The following CD99L2 variants were observed in gnomAD, a reference collection of about 807,000 sequenced individuals.
The protein encoded by CD99L2 is CD99 molecule like 2.
CD99L2 carries 24 observed loss-of-function variants against 27.3 expected under a neutral mutation model. The observed-to-expected ratio is 0.88, with a 90% CI of 0.64 to 1.24. The LOEUF is 1.24. Ranked by LOEUF, CD99L2 falls within the 50% of genes most tolerant of loss-of-function variation. The probability of loss-of-function intolerance (pLI) is 0.00; values close to 1 mark genes in which losing one functional copy is unlikely to be tolerated. For missense variants in CD99L2, 255 were observed against 221.6 expected, an observed-to-expected ratio of 1.15 and a Z score of -0.96; for synonymous variants, 97 against 87.9, an observed-to-expected ratio of 1.10 and a Z score of -0.58.
chrX:150,785,087 C>T (rs1325000006), intron 7 of CD99L2, among the ~76,000 whole-genome samples: 2 of 110,533 alleles, frequency 1.8e-5, no homozygotes, highest in Non-Finnish European at 3.8e-5. Flanking sequence ...ATGTCATCTG[C>T]AGGCACTGGC....
At chrX:150,788,620 T>C (rs1569565901) in intron 7 of CD99L2, among the ~76,000 whole-genome samples, 1 of 111,776 alleles carries the variant, frequency 8.9e-6, no homozygotes, top group Non-Finnish European at 1.9e-5. Context: ...AAAAAGCAAC[T>C]ATAAACCTGG....
chrX:150,850,838 CT>C (rs1161634063), intron 1 of CD99L2, among the ~76,000 whole-genome samples: 26 of 105,566 alleles, frequency 2.5e-4, no homozygotes, highest in Non-Finnish European at 3.7e-4. Flanking sequence ...TTTTTTCTTT[CT>C]TTTTTTTTTG....
At chrX:150,896,413 T>C (rs72612735) in intron 1 of CD99L2, among the ~76,000 whole-genome samples, 4,998 of 111,984 alleles carry the variant, frequency 0.045, 109 homozygotes, top group East Asian at 0.099. Context: ...AATTAATTAA[T>C]TAATTAAAAA....
At chrX:150,893,074 G>A (rs1460671949) in intron 1 of CD99L2, among the ~76,000 whole-genome samples, 4 of 111,034 alleles carry the variant, frequency 3.6e-5, no homozygotes, top group African/African-American at 9.8e-5. Flanking sequence ...CAGTGAGATC[G>A]CACTATTGCA....
At position 150,816,026 on chromosome X, in the gene CD99L2, T is replaced by A; in HGVS notation, c.183A>T (p.Arg61Ser). ...TTTTNRPGTT[R>S]APAKPPGSGL... ...CATTACCTGGAGGTTTTGCCGGAGCTCTGGTGGTTCCTGGCCTATTGGTTG... is the reference window on the plus strand; with the variant it reads ...CATTACCTGGAGGTTTTGCCGGAGCACTGGTGGTTCCTGGCCTATTGGTTG... The change falls in exon 3 of 11, where the codon AGA becomes AGT. Residue 61 changes from arginine (R) to serine (S), a missense_variant. By Grantham distance (110) the Arg-to-Ser change is moderately radical (BLOSUM62 -1). Coordinates refer to ENST00000370377, the MANE Select transcript of CD99L2 (RefSeq NM_031462.4). 8.3e-7 allele frequency: 1 copy of A among 1,211,371 alleles called. No individual in the cohort carries two copies. Among genetic ancestry groups the A allele is most frequent in the Non-Finnish European group, 1.1e-6 (1 of 895,367 alleles).
chrX:150,820,180 G>C (rs1370319660), intron 2 of CD99L2, among the ~76,000 whole-genome samples: 2 of 109,029 alleles, frequency 1.8e-5, no homozygotes, highest in African/African-American at 3.3e-5. Context: ...CCATGACCAA[G>C]AGGGGTTTAT....
chrX:150,777,553 A>G (rs782337032), intron 7 of CD99L2, 71 bp from the exon 8 acceptor site: 404 of 1,083,647 alleles, frequency 3.7e-4, no homozygotes, highest in Non-Finnish European at 4.8e-4. Context: ...CCTCCGCGAG[A>G]CGGATGGCAG....
At chrX:150,873,164 G>A (rs1369896138) in intron 1 of CD99L2, among the ~76,000 whole-genome samples, 3 of 112,523 alleles carry the variant, frequency 2.7e-5, no homozygotes, top group Admixed American at 9.4e-5. Context: ...TGCAGCTGAC[G>A]ACCTCACAGA....
Position 150,780,672 on chromosome X carries a change from T to G in CD99L2, c.497-3190A>C, listed in dbSNP as rs1181295923. On this transcript the variant is annotated intron_variant, in intron 7 of 10. Coordinates refer to ENST00000370377, the MANE Select transcript of CD99L2 (RefSeq NM_031462.4). The stretch of plus-strand genomic sequence containing the variant: ...AGAAATATGCAGAAATGAGAAAATA[T>G]GCAGACCCCAGTAAAAAAAAAAAGC... 5.5e-5 allele frequency among the ~76,000 whole-genome samples: 6 copies of G among 110,070 alleles called. No individual in the cohort carries two copies. In the Admixed American group the frequency reaches 5.8e-4, roughly 11 times the overall value.
chrX:150,871,224 T>TA (rs2047151500), intron 1 of CD99L2, among the ~76,000 whole-genome samples: 1 of 111,845 alleles, frequency 8.9e-6, no homozygotes, highest in Non-Finnish European at 1.9e-5. Flanking sequence ...TCCTTTTTTT[T>TA]ACCTTCAACC....
At chrX:150,791,533 C>T (rs1442462834) in intron 7 of CD99L2, among the ~76,000 whole-genome samples, 1 of 111,632 alleles carries the variant, frequency 9.0e-6, no homozygotes, top group Admixed American at 9.5e-5. Flanking sequence ...AGAGGCCACA[C>T]AGGACAGAGG....
At chrX:150,847,200 CCCTTGTGCTAGTAATCCTGGTCCAGCTAT>C (rs1386226889) in intron 1 of CD99L2, among the ~76,000 whole-genome samples, 4 of 112,465 alleles carry the variant, frequency 3.6e-5, no homozygotes, top group Non-Finnish European at 7.5e-5. Flanking sequence ...ACTCTGTCTT[CCCTTGTGCTAGTAATCCTGGTCCAGCTAT>C]CCTTGTGCTA....
intron 10 of CD99L2, among the ~76,000 whole-genome samples, chrX:150,769,629 CTGT>C: frequency 9.1e-6 from 1 of 109,499 alleles, no homozygotes; most frequent in South Asian, 3.7e-4. Flanking sequence ...GGCTGCTGCA[CTGT>C]AGTTCCACTG....
At chrX:150,841,371 T>C (rs781931642) in intron 1 of CD99L2, among the ~76,000 whole-genome samples, 3 of 112,255 alleles carry the variant, frequency 2.7e-5, no homozygotes, top group South Asian at 7.4e-4. Context: ...CTGGTAACAG[T>C]AGTTATGTTT....
chrX:150,882,894 G>A (rs1370721522), intron 1 of CD99L2, among the ~76,000 whole-genome samples: 3 of 111,015 alleles, frequency 2.7e-5, no homozygotes, highest in Non-Finnish European at 5.7e-5. Context: ...ATGAGAGGCC[G>A]GGCATGGTGG....
chrX:150,821,912 A>C (rs1569565993), intron 2 of CD99L2, among the ~76,000 whole-genome samples: 1 of 112,083 alleles, frequency 8.9e-6, no homozygotes, highest in African/African-American at 3.2e-5. Flanking sequence ...ACCCTCATAC[A>C]TTACTGATGG....
At chrX:150,840,812 T>A (rs1431074308) in intron 1 of CD99L2, among the ~76,000 whole-genome samples, 1 of 110,882 alleles carries the variant, frequency 9.0e-6, no homozygotes, top group African/African-American at 3.3e-5. Flanking sequence ...GTGTCCTGAT[T>A]CTGATGGTTG....
chrX:150,883,555 G>A (rs2047364510), intron 1 of CD99L2, among the ~76,000 whole-genome samples: 1 of 111,271 alleles, frequency 9.0e-6, no homozygotes, highest in Admixed American at 9.6e-5. Flanking sequence ...AAGCGAAAAT[G>A]GTAGAAACTT....
At chrX:150,872,212 CAG>C (rs1156447234) in intron 1 of CD99L2, among the ~76,000 whole-genome samples, 1 of 110,494 alleles carries the variant, frequency 9.1e-6, no homozygotes, top group African/African-American at 3.3e-5. Context: ...GCCTGGGTGA[CAG>C]AGTGAGACCC....
Sources: gnomAD v4.1 joint callset for allele counts (sites outside exome capture counted in the v4.1 genomes callset) on GRCh38, gnomAD v4.1.1 for gene constraint, MANE v1.5 for transcripts, NCBI Gene and HGNC (gene_info 2026-07-23, HGNC 2026-07-21) for gene names.